The following TCF7L1 variants were observed in gnomAD, a reference collection of about 807,000 sequenced individuals.
The protein encoded by TCF7L1 is transcription factor 7-like 1.
A neutral mutation model predicts 63.7 loss-of-function variants in TCF7L1; 18 were observed. The ratio of observed to expected loss-of-function variants is 0.28; its 90% CI spans 0.20 to 0.42. The LOEUF is 0.42. Among genes scored for constraint, TCF7L1 ranks in the 10% least tolerant of loss-of-function variants. The pLI, the probability that TCF7L1 is intolerant of heterozygous loss-of-function variation, is 1.00. For synonymous variants in TCF7L1, 355 were observed against 340.9 expected (o/e 1.04, Z -0.46); for missense variants, 654 against 779.3 (o/e 0.84, Z 1.91).
chr2:85,202,902 A>G (rs370113222), intron 3 of TCF7L1, among the ~76,000 whole-genome samples: 1 of 151,978 alleles, frequency 6.6e-6, no homozygotes, highest in Non-Finnish European at 1.5e-5. Context: ...GGTGCCATCT[A>G]GGCTCACTGC....
At chr2:85,254,793 T>G (rs1339241679) in intron 3 of TCF7L1, among the ~76,000 whole-genome samples, 2 of 151,986 alleles carry the variant, frequency 1.3e-5, no homozygotes, top group African/African-American at 4.8e-5. Context: ...AGAATGAAGC[T>G]CAGAAAAACA....
Position 85,244,952 on chromosome 2 carries a change from G to A in TCF7L1, c.442-38543G>A, listed in dbSNP as rs1047126773. Among the ~76,000 whole-genome samples, 7 of 152,266 alleles carry A rather than the reference G, an allele frequency of 4.6e-5. No individual in the cohort carries two copies. The East Asian group carries it at 1.4e-3, about 29-fold the overall frequency. The stretch of plus-strand genomic sequence containing the variant: ...GCGCCGCATTCCTGCAGCCAAGGAG[G>A]GGAGTGTACGAAGGAAGAGGGGCTG... On this transcript the variant is annotated intron_variant, in intron 3 of 11. Coordinates refer to ENST00000282111, the MANE Select transcript of TCF7L1 (RefSeq NM_031283.3).
intron 3 of TCF7L1, among the ~76,000 whole-genome samples, chr2:85,270,975 G>A (rs954261319): frequency 2.0e-5 from 3 of 152,152 alleles, no homozygotes; most frequent in Admixed American, 2.0e-4. Flanking sequence ...GCGATTACAA[G>A]TGTGAGTCCC....
chr2:85,192,320 A>G (rs1263596333), intron 3 of TCF7L1, among the ~76,000 whole-genome samples: 1 of 152,238 alleles, frequency 6.6e-6, no homozygotes, highest in Non-Finnish European at 1.5e-5. Context: ...CATCTGCAAA[A>G]TGGAGCTAGC....
intron 3 of TCF7L1, among the ~76,000 whole-genome samples, chr2:85,241,931 G>C (rs1324633792): frequency 6.6e-6 from 1 of 151,344 alleles, no homozygotes; most frequent in Non-Finnish European, 1.5e-5. Context: ...ATAACTCCGT[G>C]AGTCCAGGAA....
At chr2:85,171,540 G>A (rs1438401650) in intron 3 of TCF7L1, among the ~76,000 whole-genome samples, 1 of 152,250 alleles carries the variant, frequency 6.6e-6, no homozygotes, top group Non-Finnish European at 1.5e-5. Flanking sequence ...ATCTGCCTTT[G>A]TCAGAGTCCT....
chr2:85,224,953 T>C (rs1679924723), intron 3 of TCF7L1, among the ~76,000 whole-genome samples: 1 of 152,230 alleles, frequency 6.6e-6, no homozygotes, highest in East Asian at 1.9e-4. Context: ...AGTTAATTTT[T>C]GTGTAAGGTG....
In TCF7L1 at chr2:85,306,224, G is replaced by T; in HGVS notation, c.1008G>T (p.Val336=). 6.2e-7 allele frequency: 1 copy of T among 1,614,158 alleles called. No individual in the cohort carries two copies. The highest frequency in any genetic ancestry group is 8.5e-7 in the Non-Finnish European group (1 of 1,180,026). ...TTCCCAGGAAATCACCAGTCACCGT[G>T]AAAAAGGAGGAGGAAAAGAAGCCCC... is the stretch of plus-strand genomic sequence containing the variant. ...PAVSVKSPVT[V]KKEEEKKPHV... is the part of the protein sequence containing the mutation. The change falls in exon 9 of 12, where the codon GTG becomes GTT. Residue 336 remains valine (V), a synonymous_variant. Coordinates refer to ENST00000282111, the MANE Select transcript of TCF7L1 (RefSeq NM_031283.3). This position sits in a 1 kb window ranked among gnomAD's most constrained non-coding sequence, Gnocchi z 4.3.
rs141774204 is a variant in TCF7L1 at position 85,217,988 on chromosome 2, C to T, written c.442-65507C>T. 3.3e-5 allele frequency among the ~76,000 whole-genome samples: 5 copies of T among 151,822 alleles called. 1 individual carries two copies. Among genetic ancestry groups the T allele is most frequent in the Admixed American group, 6.6e-5 (1 of 15,230 alleles). ...TCAAAATAATTTTTTTCTTTTTTGT[C>T]TCCTTCACTAGACCATGGAATTCCT... On this transcript the variant is annotated intron_variant, in intron 3 of 11. Coordinates refer to ENST00000282111, the MANE Select transcript of TCF7L1 (RefSeq NM_031283.3).
At chr2:85,138,040 A>C (rs769417512) in intron 3 of TCF7L1, among the ~76,000 whole-genome samples, 1 of 152,204 alleles carries the variant, frequency 6.6e-6, no homozygotes, top group African/African-American at 2.4e-5. Context: ...AAGTAATTTG[A>C]CTGTGACCAT....
intron 3 of TCF7L1, among the ~76,000 whole-genome samples, chr2:85,268,285 G>T (rs1036490778): frequency 6.6e-6 from 1 of 152,100 alleles, no homozygotes; most frequent in Non-Finnish European, 1.5e-5. Flanking sequence ...GAGTGTGACC[G>T]CTAATTGCCT....
intron 3 of TCF7L1, among the ~76,000 whole-genome samples, chr2:85,227,664 T>C (rs893008432): frequency 3.3e-5 from 5 of 152,226 alleles, no homozygotes; most frequent in African/African-American, 9.6e-5. Flanking sequence ...TGCCACTTAT[T>C]TGAGTGTATA....
At chr2:85,257,936 C>A (rs1232695760) in intron 3 of TCF7L1, among the ~76,000 whole-genome samples, 1 of 152,170 alleles carries the variant, frequency 6.6e-6, no homozygotes, top group African/African-American at 2.4e-5. Flanking sequence ...TATTTTTAGG[C>A]CATGAGACTC....
chr2:85,191,303 A>G (rs1222371578), intron 3 of TCF7L1, among the ~76,000 whole-genome samples: 1 of 152,150 alleles, frequency 6.6e-6, no homozygotes, highest in African/African-American at 2.4e-5. Flanking sequence ...AGAACCACTT[A>G]ACATGACATT....
chr2:85,144,927 T>C (rs1005121500), intron 3 of TCF7L1, among the ~76,000 whole-genome samples: 2 of 151,630 alleles, frequency 1.3e-5, no homozygotes, highest in Non-Finnish European at 2.9e-5. Flanking sequence ...CTACTAAAAA[T>C]ACAAAAAATT....
intron 3 of TCF7L1, among the ~76,000 whole-genome samples, chr2:85,159,181 A>G (rs1678224103): frequency 1.3e-5 from 2 of 152,058 alleles, no homozygotes; most frequent in Admixed American, 1.3e-4. Flanking sequence ...GACAGGAAAC[A>G]CTTCCTGGTG....
chr2:85,189,657 C>T (rs749080606), intron 3 of TCF7L1, among the ~76,000 whole-genome samples: 1 of 152,184 alleles, frequency 6.6e-6, no homozygotes, highest in Non-Finnish European at 1.5e-5. Context: ...CCTCCCTTCC[C>T]GTGGGCAAAC....
intron 3 of TCF7L1, among the ~76,000 whole-genome samples, chr2:85,239,094 A>G (rs1680264269): frequency 6.6e-6 from 1 of 152,128 alleles, no homozygotes; most frequent in African/African-American, 2.4e-5. Flanking sequence ...TATAAAATTT[A>G]ACGTAATTCC....
intron 3 of TCF7L1, among the ~76,000 whole-genome samples, chr2:85,254,401 G>A (rs11684211): frequency 0.29 from 43,909 of 152,180 alleles, 6,767 homozygotes; most frequent in Non-Finnish European, 0.35. Flanking sequence ...CCTGGACGAA[G>A]TCCTCTGTGT....
Sources: gnomAD v4.1 joint callset for allele counts (sites outside exome capture counted in the v4.1 genomes callset) on GRCh38, gnomAD v4.1.1 for gene constraint, Gnocchi (gnomAD v3.1) non-coding constraint, MANE v1.5 for transcripts, NCBI Gene and HGNC (gene_info 2026-07-23, HGNC 2026-07-21) for gene names.